EYA2: variants seen among roughly 807,000 people sequenced by gnomAD.
EYA2 encodes the protein protein phosphatase EYA2.
A neutral mutation model predicts 69.2 loss-of-function variants in EYA2; 31 were observed. That is an observed-to-expected ratio of 0.45 (90% CI 0.34 to 0.60). The LOEUF is 0.60. Ranked by LOEUF, EYA2 falls within the 20% of genes least tolerant of loss-of-function variation. The probability of loss-of-function intolerance (pLI) is 0.02; values close to 1 mark genes in which losing one functional copy is unlikely to be tolerated. For synonymous variants in EYA2, 257 were observed against 279.4 expected, an observed-to-expected ratio of 0.92 and a Z score of 0.80; for missense variants, 622 against 701.2, an observed-to-expected ratio of 0.89 and a Z score of 1.28.
chr20:47,127,850 G>A (rs929816371), intron 9 of EYA2, among the ~76,000 whole-genome samples: 19 of 152,236 alleles, frequency 1.2e-4, no homozygotes, highest in East Asian at 1.9e-4. Flanking sequence ...AGGACTGACC[G>A]TGGCATCCCA....
chr20:47,170,533 G>T (rs1328318720), intron 11 of EYA2, among the ~76,000 whole-genome samples: 2 of 151,940 alleles, frequency 1.3e-5, no homozygotes, highest in African/African-American at 4.8e-5. Flanking sequence ...TGTAATCCCA[G>T]CTACTTGGGA....
intron 5 of EYA2, among the ~76,000 whole-genome samples, chr20:47,031,811 G>T (rs1232671275): frequency 6.6e-6 from 1 of 152,070 alleles, no homozygotes; most frequent in Non-Finnish European, 1.5e-5. Flanking sequence ...CTGATCATTG[G>T]CAGGGGCAGG....
At chr20:47,127,443 A>G (rs1025156904) in intron 9 of EYA2, among the ~76,000 whole-genome samples, 2 of 152,188 alleles carry the variant, frequency 1.3e-5, no homozygotes, top group East Asian at 3.8e-4. Context: ...ATCTCTACTA[A>G]AAATACCAAA....
At chr20:47,001,118 G>A (rs2146344820) in intron 2 of EYA2, among the ~76,000 whole-genome samples, 1 of 152,138 alleles carries the variant, frequency 6.6e-6, no homozygotes, top group Middle Eastern at 3.4e-3. Context: ...TGTCTCTTTG[G>A]CCTCAGTTTC....
chr20:47,034,556 C>T (rs747533094), intron 5 of EYA2, among the ~76,000 whole-genome samples: 17 of 152,164 alleles, frequency 1.1e-4, no homozygotes, highest in Non-Finnish European at 1.9e-4. Flanking sequence ...AGGACCAAGG[C>T]GAGGAGGGAT....
At chr20:47,042,737 C>A (rs1985149432) in intron 5 of EYA2, among the ~76,000 whole-genome samples, 2 of 152,206 alleles carry the variant, frequency 1.3e-5, no homozygotes, top group Non-Finnish European at 2.9e-5. Flanking sequence ...TTAGCTTTTT[C>A]ATCCTTATGC....
rs563320339 is a variant in EYA2, at chr20:47,007,867, A to G, written c.298+2783A>G. 7.9e-5 allele frequency among the ~76,000 whole-genome samples: 12 copies of G among 152,044 alleles called. No homozygotes were observed. In the East Asian group the frequency reaches 1.4e-3, roughly 17 times the overall value. Reference sequence around the variant, plus strand: ...GGTCTTGAACTTCTTACCTCAAGCAATCCTCCTATCTCTGCTTCCCAAAGT... The same window carrying G: ...GGTCTTGAACTTCTTACCTCAAGCAGTCCTCCTATCTCTGCTTCCCAAAGT... On this transcript the variant is annotated intron_variant, in intron 4 of 15. Coordinates refer to ENST00000327619, the MANE Select transcript of EYA2 (RefSeq NM_005244.5).
At chr20:47,009,590 A>G (rs1229639547) in intron 4 of EYA2, among the ~76,000 whole-genome samples, 1 of 152,200 alleles carries the variant, frequency 6.6e-6, no homozygotes, top group Non-Finnish European at 1.5e-5. Flanking sequence ...CCCAAGTTTC[A>G]TGTTTATCAT....
rs111474105 is a variant in EYA2, at chr20:47,005,151, T to G, written c.298+67T>G. 39 of 1,553,878 alleles carry G rather than the reference T, an allele frequency of 2.5e-5. 1 individual carries two copies. In the African/African-American group the frequency reaches 3.9e-4, roughly 16 times the overall value. ...AAATCATGGTCTTTGTTCTGCACTA[T>G]TGTCTCAGCTAAATGTGGATTAATA... On this transcript the variant is annotated intron_variant, in intron 4 of 15. Transcript: ENST00000327619.
At chr20:47,032,453 T>C (rs1227846262) in intron 5 of EYA2, among the ~76,000 whole-genome samples, 1 of 152,214 alleles carries the variant, frequency 6.6e-6, no homozygotes, top group Admixed American at 6.5e-5. Context: ...TTCCAGAACA[T>C]TCTCTATGTA....
chr20:46,957,402 T>G (rs1218170076), intron 1 of EYA2, among the ~76,000 whole-genome samples: 5 of 152,200 alleles, frequency 3.3e-5, no homozygotes, highest in Non-Finnish European at 7.3e-5. Flanking sequence ...TGTCACCTTA[T>G]GTGGCAAAAA....
At chr20:46,991,326 G>A (rs1242853829) in intron 2 of EYA2, among the ~76,000 whole-genome samples, 1 of 152,182 alleles carries the variant, frequency 6.6e-6, no homozygotes, top group Non-Finnish European at 1.5e-5. Context: ...ATGATCTCAG[G>A]CAAACTGTTT....
chr20:47,096,073 C>T (rs544448143), intron 8 of EYA2: 1 of 152,120 alleles, frequency 6.6e-6, no homozygotes, highest in African/African-American at 2.4e-5. Flanking sequence ...TCTGACAAAA[C>T]CAAAAAAGTT....
At chr20:47,173,509 T>TAAA (rs767756028) in intron 12 of EYA2, among the ~76,000 whole-genome samples, 27,186 of 82,998 alleles carry the variant, frequency 0.33, 5,017 homozygotes, top group Non-Finnish European at 0.35. Flanking sequence ...TGAGACCCCG[T>TAAA]AAAAAAAAAA....
intron 2 of EYA2, among the ~76,000 whole-genome samples, chr20:46,996,680 C>T (rs1009831223): frequency 6.6e-6 from 1 of 152,110 alleles, no homozygotes; most frequent in Non-Finnish European, 1.5e-5. Flanking sequence ...CTGTATTAGT[C>T]CGTTCTCGCA....
intron 7 of EYA2, among the ~76,000 whole-genome samples, chr20:47,078,360 C>CACACACACACACAT (rs1297675482): frequency 6.6e-6 from 1 of 151,532 alleles, no homozygotes; most frequent in African/African-American, 2.4e-5. Flanking sequence ...CACACACACA[C>CACACACACACACAT]ACATTCATGC....
chr20:47,187,681 C>T (rs765761926), intron 15 of EYA2, among the ~76,000 whole-genome samples: 3 of 152,216 alleles, frequency 2.0e-5, no homozygotes, highest in Non-Finnish European at 4.4e-5. Flanking sequence ...GGATTACAAA[C>T]GTGGGCCACA....
At chr20:47,004,868 G>T (rs770450262) in intron 3 of EYA2, 74 bp from the exon 4 acceptor site, 14 of 1,599,460 alleles carry the variant, frequency 8.8e-6, no homozygotes, top group South Asian at 4.4e-5. Flanking sequence ...AAAAATGGGG[G>T]TGTTGATATC....
At chr20:47,062,645 T>A (rs1359485537) in intron 5 of EYA2, among the ~76,000 whole-genome samples, 1 of 152,176 alleles carries the variant, frequency 6.6e-6, no homozygotes, top group Non-Finnish European at 1.5e-5. Context: ...GCACATGAGC[T>A]GTTTTGTGAT....
Sources: allele counts gnomAD v4.1 joint callset (sites outside exome capture counted in the v4.1 genomes callset), GRCh38; gene constraint gnomAD v4.1.1; transcripts MANE v1.5; gene names NCBI Gene and HGNC (gene_info 2026-07-23, HGNC 2026-07-21).